PTPRK: variants seen among roughly 807,000 people sequenced by gnomAD.
PTPRK encodes receptor-type tyrosine-protein phosphatase kappa.
Under a neutral mutation model 178.0 loss-of-function variants are expected in PTPRK, and 75 were observed. The ratio of observed to expected loss-of-function variants is 0.42; its 90% CI spans 0.35 to 0.51. PTPRK has a LOEUF of 0.51. Among genes scored for constraint, PTPRK ranks in the 20% least tolerant of loss-of-function variants. The pLI, the probability that PTPRK is intolerant of heterozygous loss-of-function variation, is 0.02. For synonymous variants in PTPRK, 637 were observed against 620.6 expected (o/e 1.03, Z -0.39); for missense variants, 1,441 against 1,797.8 (o/e 0.80, Z 3.59).
chr6:128,289,702 GC>G (rs1823062068), intron 3 of PTPRK, among the ~76,000 whole-genome samples: 2 of 151,846 alleles, frequency 1.3e-5, no homozygotes, highest in Admixed American at 1.3e-4. Flanking sequence ...TTTGACCTTT[GC>G]CACCGTAATA....
chr6:128,297,355 C>T (rs915836210), intron 3 of PTPRK, among the ~76,000 whole-genome samples: 1 of 152,200 alleles, frequency 6.6e-6, no homozygotes, highest in African/African-American at 2.4e-5. Flanking sequence ...GAATTGAACT[C>T]AGCTCTGCAC....
At chr6:127,998,673 T>C (rs1037198600) in intron 16 of PTPRK, 47 bp downstream of exon 16, 1 of 1,463,240 alleles carries the variant, frequency 6.8e-7, no homozygotes, top group Admixed American at 2.1e-5. Context: ...TTCCACTGAG[T>C]ATCATAGTTA....
intron 13 of PTPRK, among the ~76,000 whole-genome samples, chr6:128,016,950 G>A (rs1018048166): frequency 2.0e-5 from 3 of 151,922 alleles, no homozygotes; most frequent in African/African-American, 7.2e-5. Flanking sequence ...ATATTATTCT[G>A]TGCTGACAGT....
chr6:128,307,229 C>T (rs1254204320), intron 3 of PTPRK, among the ~76,000 whole-genome samples: 1 of 146,770 alleles, frequency 6.8e-6, no homozygotes, highest in East Asian at 2.0e-4. Flanking sequence ...ACAAGACAAA[C>T]ACAGAGAAAC....
intron 2 of PTPRK, among the ~76,000 whole-genome samples, chr6:128,358,514 TAAG>T (rs989944130): frequency 2.0e-5 from 3 of 152,178 alleles, no homozygotes; most frequent in African/African-American, 7.2e-5. Flanking sequence ...CATGGTACAA[TAAG>T]AAGAAAAACG....
At chr6:128,257,288 C>G (rs1817496496) in intron 3 of PTPRK, among the ~76,000 whole-genome samples, 1 of 150,042 alleles carries the variant, frequency 6.7e-6, no homozygotes, top group Admixed American at 6.6e-5. Flanking sequence ...GCATGGACTT[C>G]TACACCACAA....
chr6:128,021,419 G>A (rs567665008), intron 13 of PTPRK, among the ~76,000 whole-genome samples: 34 of 152,228 alleles, frequency 2.2e-4, no homozygotes, highest in Admixed American at 6.5e-4. Context: ...GGTGGATCAC[G>A]AGGTCAGGAG....
At chr6:128,139,724 G>C (rs1795507611) in intron 7 of PTPRK, among the ~76,000 whole-genome samples, 1 of 152,050 alleles carries the variant, frequency 6.6e-6, no homozygotes, top group South Asian at 2.1e-4. Context: ...CTGGACTTCA[G>C]AATCAACATC....
chr6:128,234,799 T>C (rs1381266429), intron 5 of PTPRK, among the ~76,000 whole-genome samples: 1 of 152,206 alleles, frequency 6.6e-6, no homozygotes, highest in Non-Finnish European at 1.5e-5. Context: ...TGTACAAGTC[T>C]TTTTGTGGGC....
At chr6:128,009,767 A>AAT (rs1183991234) in intron 13 of PTPRK, among the ~76,000 whole-genome samples, 1 of 151,248 alleles carries the variant, frequency 6.6e-6, no homozygotes, top group African/African-American at 2.4e-5. Flanking sequence ...TTTATGATTT[A>AAT]ATATATATAA....
At chr6:128,357,565 A>G (rs1175552297) in intron 2 of PTPRK, among the ~76,000 whole-genome samples, 4 of 152,226 alleles carry the variant, frequency 2.6e-5, no homozygotes, top group Non-Finnish European at 4.4e-5. Flanking sequence ...TTAAGGATTC[A>G]GCATTTCTGG....
intron 12 of PTPRK, among the ~76,000 whole-genome samples, chr6:128,066,523 G>A (rs901567462): frequency 1.3e-5 from 2 of 151,956 alleles, no homozygotes; most frequent in Non-Finnish European, 2.9e-5. Flanking sequence ...GATATAATAT[G>A]ACTGATGTAA....
intron 13 of PTPRK, among the ~76,000 whole-genome samples, chr6:128,053,276 C>T (rs1368164054): frequency 1.3e-5 from 2 of 152,030 alleles, no homozygotes; most frequent in Non-Finnish European, 2.9e-5. Flanking sequence ...TCTGCTGTCA[C>T]CTCCTTCCCT....
intron 7 of PTPRK, among the ~76,000 whole-genome samples, chr6:128,160,781 T>C (rs1003646207): frequency 1.3e-5 from 2 of 151,466 alleles, no homozygotes; most frequent in Non-Finnish European, 3.0e-5. Context: ...TTAATATAAA[T>C]TTATATTGAC....
chr6:128,422,885 A>G lies in PTPRK; in HGVS notation c.101-25197T>C, dbSNP rs1318149484. On this transcript the variant is annotated intron_variant, in intron 1 of 29. Transcript: ENST00000368226. ...AAAATGGGCATACAGTCATCTTAAAATAGGTTCAGCTATCTCTAGCAATTA... is the reference window on the plus strand; with the variant it reads ...AAAATGGGCATACAGTCATCTTAAAGTAGGTTCAGCTATCTCTAGCAATTA... 2.0e-5 allele frequency among the ~76,000 whole-genome samples: 3 copies of G among 152,190 alleles called. No individual in the cohort carries two copies. In the South Asian group the frequency reaches 6.2e-4, roughly 32 times the overall value.
intron 14 of PTPRK, chr6:128,008,160 A>G: frequency 1.2e-6 from 1 of 836,552 alleles, no homozygotes; most frequent in Non-Finnish European, 1.8e-6. Context: ...ATGTAGTATG[A>G]GTCTTATCTA....
At position 128,184,725 on chromosome 6, in the gene PTPRK, T is replaced by G; in HGVS notation, c.869A>C (p.Glu290Ala). 1.2e-6 allele frequency: 2 copies of G among 1,612,660 alleles called. No homozygotes were observed. The highest frequency in any genetic ancestry group is 1.7e-6 in the Non-Finnish European group (2 of 1,179,058). Reference protein sequence around the residue: ...VSNFAQLIVREPPRPIAPPQL... With the variant: ...VSNFAQLIVRAPPRPIAPPQL... Reference sequence around the variant, plus strand: ...AGGAGGAGCAATGGGTCTTGGCGGTTCTAGGAGAGATGAGTGTGCACTTCA... The same window carrying G: ...AGGAGGAGCAATGGGTCTTGGCGGTGCTAGGAGAGATGAGTGTGCACTTCA... Residue 290 changes from glutamate (E) to alanine (A), a missense_variant and splice_region_variant, in exon 7 of 30, where the codon GAA (glutamate) becomes GCA (alanine). Glu to Ala is a moderately radical substitution (Grantham distance 107, BLOSUM62 -1). This residue lies in a region of PTPRK where 945 missense variants were observed against 1,080.6 expected (regional missense o/e 0.87). Transcript: ENST00000368226.
At chr6:128,122,926 G>A (rs1386385668) in intron 7 of PTPRK, among the ~76,000 whole-genome samples, 1 of 152,058 alleles carries the variant, frequency 6.6e-6, no homozygotes, top group Non-Finnish European at 1.5e-5. Flanking sequence ...AACACTTTAT[G>A]GATATGGCAT....
intron 13 of PTPRK, among the ~76,000 whole-genome samples, chr6:128,036,600 A>G (rs930172119): frequency 1.3e-5 from 2 of 152,252 alleles, no homozygotes; most frequent in East Asian, 3.8e-4. Flanking sequence ...CAAGTACTTA[A>G]TAAACTAAAA....
Sources: allele counts gnomAD v4.1 joint callset (sites outside exome capture counted in the v4.1 genomes callset), GRCh38; gene constraint gnomAD v4.1.1; regional missense constraint gnomAD v4.1.1; transcripts MANE v1.5; gene names NCBI Gene and HGNC (gene_info 2026-07-23, HGNC 2026-07-21).